The following VSNL1 variants were observed in gnomAD, a reference collection of about 807,000 sequenced individuals.
The protein encoded by VSNL1 is visinin like 1.
A neutral mutation model predicts 20.4 loss-of-function variants in VSNL1; 6 were observed. That is an observed-to-expected ratio of 0.29 (90% confidence interval 0.16 to 0.58). The LOEUF (loss-of-function observed/expected upper bound fraction) is 0.58, where lower values mean the gene tolerates loss of function less well. VSNL1 is among the 20% of genes least tolerant of loss of function. VSNL1 has a pLI of 0.90. For missense variants in VSNL1, 100 were observed against 234.5 expected (o/e 0.43, Z 3.75); for synonymous variants, 93 against 86.4 (o/e 1.08, Z -0.42).
intron 1 of VSNL1, among the ~76,000 whole-genome samples, chr2:17,541,985 CTAAAA>C (rs1663294204): frequency 6.6e-6 from 1 of 152,138 alleles, no homozygotes; most frequent in African/African-American, 2.4e-5. Flanking sequence ...ATTTTGGAAA[CTAAAA>C]TAAAATAGAA....
intron 2 of VSNL1, among the ~76,000 whole-genome samples, chr2:17,638,124 G>A (rs747975022): frequency 2.6e-5 from 4 of 152,156 alleles, no homozygotes; most frequent in East Asian, 1.9e-4. Context: ...TTAGGTAGAT[G>A]AGAGGTATGT....
chr2:17,633,919 G>A (rs1192860730), intron 2 of VSNL1, among the ~76,000 whole-genome samples: 1 of 152,196 alleles, frequency 6.6e-6, no homozygotes, highest in East Asian at 1.9e-4. Context: ...AGCAAGAAGT[G>A]AAGGGGCAAG....
chr2:17,595,019 C>G (rs2103379205), intron 2 of VSNL1, among the ~76,000 whole-genome samples: 1 of 152,334 alleles, frequency 6.6e-6, no homozygotes, highest in Non-Finnish European at 1.5e-5. Flanking sequence ...CTCTGCCTCT[C>G]AGCCAAACTC....
At chr2:17,600,963 G>T (rs1040408516) in intron 2 of VSNL1, among the ~76,000 whole-genome samples, 1 of 152,164 alleles carries the variant, frequency 6.6e-6, no homozygotes, top group African/African-American at 2.4e-5. Flanking sequence ...CAGCATTAGA[G>T]ACAGCAATTA....
intron 1 of VSNL1, among the ~76,000 whole-genome samples, chr2:17,564,072 G>GTAAAA (rs748398895): frequency 3.3e-5 from 5 of 152,056 alleles, no homozygotes; most frequent in Non-Finnish European, 7.4e-5. Flanking sequence ...GTCAAGCATC[G>GTAAAA]TAAAATAAAA....
At chr2:17,620,193 CAG>C (rs1353925240) in intron 2 of VSNL1, among the ~76,000 whole-genome samples, 1 of 152,194 alleles carries the variant, frequency 6.6e-6, no homozygotes, top group African/African-American at 2.4e-5. Flanking sequence ...GTCCGTCAGG[CAG>C]AGAGGGTACC....
chr2:17,634,702 G>A lies in VSNL1; in HGVS notation c.163-14708G>A, dbSNP rs1000629150. On this transcript the variant is annotated intron_variant, in intron 2 of 3. Transcript: ENST00000295156. This position sits in a 1 kb window ranked among gnomAD's most constrained non-coding sequence, Gnocchi z 4.3. ...GGAAAACAGGTATTTTTGTATGTTC[G>A]TTTTTTGTTTTGCTGAGATCACAAC... Among the ~76,000 whole-genome samples the A allele has an allele frequency of 6.6e-6, 1 of 152,168 alleles. No individual in the cohort carries two copies. Among genetic ancestry groups the A allele is most frequent in the Non-Finnish European group, 1.5e-5 (1 of 68,036 alleles).
intron 2 of VSNL1, among the ~76,000 whole-genome samples, chr2:17,612,310 G>T (rs1277347539): frequency 6.6e-6 from 1 of 152,196 alleles, no homozygotes; most frequent in African/African-American, 2.4e-5. Context: ...GGACTGGCCA[G>T]CAAAGCTGCT....
chr2:17,592,277 A>G, intron 2 of VSNL1, 41 bp downstream of exon 2: 3 of 1,598,978 alleles, frequency 1.9e-6, no homozygotes, highest in Non-Finnish European at 2.6e-6. Flanking sequence ...CTTAGGCCAG[A>G]AACTATGGCC....
chr2:17,610,030 C>T (rs977108020), intron 2 of VSNL1, among the ~76,000 whole-genome samples: 15 of 152,154 alleles, frequency 9.9e-5, no homozygotes, highest in Admixed American at 2.0e-4. Flanking sequence ...TTTATTTAAT[C>T]GCATTACTTG....
chr2:17,576,241 A>T (rs143937746), intron 1 of VSNL1, among the ~76,000 whole-genome samples: 221 of 152,320 alleles, frequency 1.5e-3, no homozygotes, highest in African/African-American at 5.0e-3. Context: ...GTAATTTGCC[A>T]TGTTTCAACA....
chr2:17,637,703 C>G (rs1484284819), intron 2 of VSNL1, among the ~76,000 whole-genome samples: 1 of 152,210 alleles, frequency 6.6e-6, no homozygotes, highest in African/African-American at 2.4e-5. Flanking sequence ...TCAACCCAAA[C>G]CTGCTGAAGC....
intron 1 of VSNL1, among the ~76,000 whole-genome samples, chr2:17,553,605 A>G (rs958842492): frequency 6.6e-5 from 10 of 152,348 alleles, no homozygotes; most frequent in African/African-American, 2.2e-4. Flanking sequence ...TGAAAAAAAA[A>G]TCTAAATATC....
chr2:17,552,207 AAAAAAC>A (rs1174653660), intron 1 of VSNL1, among the ~76,000 whole-genome samples: 7 of 151,696 alleles, frequency 4.6e-5, no homozygotes, highest in Non-Finnish European at 8.8e-5. Context: ...CTCAAAAAAA[AAAAAAC>A]AAAAAAAAAC....
chr2:17,611,399 A>G (rs1342052722), intron 2 of VSNL1, among the ~76,000 whole-genome samples: 1 of 152,282 alleles, frequency 6.6e-6, no homozygotes, highest in African/African-American at 2.4e-5. Flanking sequence ...TGATGGAGAC[A>G]GCAATGCCTT....
chr2:17,577,878 G>A (rs568749793), intron 1 of VSNL1, among the ~76,000 whole-genome samples: 38 of 152,114 alleles, frequency 2.5e-4, no homozygotes, highest in African/African-American at 8.4e-4. Flanking sequence ...AGTTTACAAT[G>A]GCTAAGGGTC....
rs539209855 is a variant in VSNL1, at chr2:17,621,625, CTTTTG to C, written c.163-27780_163-27776del. 4.2e-3 allele frequency among the ~76,000 whole-genome samples: 636 copies of C among 152,162 alleles called. 5 individuals are homozygous for C. The highest frequency in any genetic ancestry group is 0.014 in the African/African-American group (584 of 41,516). The stretch of plus-strand genomic sequence containing the variant: ...AGGCATGAGCCACCGTGCCTCTACT[CTTTTG>C]TTTTATTTTTTAATAGAGAGGAGAT... On this transcript the variant is annotated intron_variant, in intron 2 of 3. Transcript: ENST00000295156.
intron 1 of VSNL1, among the ~76,000 whole-genome samples, chr2:17,584,034 C>G (rs989701120): frequency 5.9e-5 from 9 of 152,160 alleles, no homozygotes; most frequent in African/African-American, 9.7e-5. Flanking sequence ...TCACAACAAC[C>G]CTTTGAGCAA....
intron 2 of VSNL1, among the ~76,000 whole-genome samples, chr2:17,625,035 G>A (rs931210950): frequency 6.6e-5 from 10 of 152,098 alleles, no homozygotes; most frequent in African/African-American, 2.4e-4. Flanking sequence ...TGAATCATGG[G>A]GGCAGTCTCC....
Sources: allele counts gnomAD v4.1 joint callset (sites outside exome capture counted in the v4.1 genomes callset), GRCh38; gene constraint gnomAD v4.1.1; non-coding constraint Gnocchi (gnomAD v3.1); transcripts MANE v1.5; gene names NCBI Gene and HGNC (gene_info 2026-07-23, HGNC 2026-07-21).